DOCK2: variants seen among roughly 807,000 people sequenced by gnomAD.
DOCK2 encodes the protein dedicator of cytokinesis 2.
Under a neutral mutation model 248.9 loss-of-function variants are expected in DOCK2, and 87 were observed. The observed-to-expected ratio is 0.35, with a 90% CI of 0.29 to 0.42. The LOEUF is 0.42. DOCK2 is among the 10% of genes least tolerant of loss of function. The probability of loss-of-function intolerance (pLI) is 1.00; values close to 1 mark genes in which losing one functional copy is unlikely to be tolerated. For synonymous variants in DOCK2, 805 were observed against 821.6 expected (o/e 0.98, Z 0.35); for missense variants, 1,747 against 2,300.2 (o/e 0.76, Z 4.92).
chr5:170,026,820 C>A (rs1053334140), intron 33 of DOCK2, among the ~76,000 whole-genome samples: 1 of 152,306 alleles, frequency 6.6e-6, no homozygotes, highest in African/African-American at 2.4e-5. Flanking sequence ...TGATCACTTA[C>A]CTAATCTGAT....
At chr5:169,839,406 T>C (rs150618717) in intron 26 of DOCK2, among the ~76,000 whole-genome samples, 1 of 152,292 alleles carries the variant, frequency 6.6e-6, no homozygotes, top group Non-Finnish European at 1.5e-5. Context: ...AGAGAAGTGA[T>C]AAGTGAGGTT....
chr5:169,640,052 T>G (rs1018990005), intron 1 of DOCK2, among the ~76,000 whole-genome samples: 2 of 152,258 alleles, frequency 1.3e-5, no homozygotes, highest in Non-Finnish European at 2.9e-5. Context: ...ACACCCTTGC[T>G]GTCTCTTCCT....
intron 26 of DOCK2, among the ~76,000 whole-genome samples, chr5:169,839,763 T>C (rs1398904817): frequency 6.6e-6 from 1 of 152,190 alleles, no homozygotes; most frequent in Non-Finnish European, 1.5e-5. Flanking sequence ...TACCATTATG[T>C]AACCCTAGTT....
rs74925825 is a variant in DOCK2 at position 170,015,751 on chromosome 5, C to T, written c.3233-3209C>T. Among the ~76,000 whole-genome samples the T allele has an allele frequency of 6.4e-3, 980 of 152,128 alleles. 9 individuals are homozygous for T. The highest frequency in any genetic ancestry group is 0.022 in the African/African-American group (921 of 41,484). ...CAGCCTCAGAAGCCCATGGCTTGCC[C>T]AACTTAATTCTCAGCCAAGTTCACA... On this transcript the variant is annotated intron_variant, in intron 32 of 51. Transcript: ENST00000520908.
At chr5:169,870,073 G>A (rs1457695960) in intron 27 of DOCK2, among the ~76,000 whole-genome samples, 1 of 152,224 alleles carries the variant, frequency 6.6e-6, no homozygotes, top group Admixed American at 6.5e-5. Context: ...TGGTCTTCCT[G>A]AGGATGCATG....
rs574082477 is a variant in DOCK2, at chr5:169,747,580, C to A, written c.2376+76C>A. ...TAACAGCATGCTAAGATAATATCTT[C>A]TTTTACTTAAATATGCAAACTTGTA... On this transcript the variant is annotated intron_variant, in intron 23 of 51. Transcript: ENST00000520908. 1.7e-5 allele frequency: 22 copies of A among 1,312,032 alleles called. No homozygotes were observed. The African/African-American group carries it at 2.8e-4, about 17-fold the overall frequency. The allele number at this position is 1,312,032 out of a possible 1,614,324, so 81.3% of individuals were successfully genotyped here.
chr5:169,914,977 T>G (rs910329449), intron 27 of DOCK2, among the ~76,000 whole-genome samples: 1 of 152,250 alleles, frequency 6.6e-6, no homozygotes, highest in Non-Finnish European at 1.5e-5. Context: ...AAAGAGAATC[T>G]GCCTGACCCC....
chr5:169,730,593 G>A (rs965037011), intron 22 of DOCK2, among the ~76,000 whole-genome samples: 4 of 152,098 alleles, frequency 2.6e-5, no homozygotes, highest in Admixed American at 6.5e-5. Flanking sequence ...CACGTGTGTC[G>A]TAACCTCTAC....
At chr5:169,673,530 A>G (rs1393580479) in intron 5 of DOCK2, among the ~76,000 whole-genome samples, 1 of 152,106 alleles carries the variant, frequency 6.6e-6, no homozygotes, top group Non-Finnish European at 1.5e-5. Flanking sequence ...TTTTATAAAA[A>G]AAAATTTAGA....
intron 14 of DOCK2, among the ~76,000 whole-genome samples, chr5:169,705,348 T>C (rs906148934): frequency 6.6e-6 from 1 of 152,158 alleles, no homozygotes; most frequent in Non-Finnish European, 1.5e-5. Flanking sequence ...AAGGCTTAGA[T>C]GCTGGGCCAA....
chr5:169,707,678 G>A (rs1217901713), intron 14 of DOCK2, among the ~76,000 whole-genome samples: 1 of 152,142 alleles, frequency 6.6e-6, no homozygotes, highest in East Asian at 1.9e-4. Flanking sequence ...TTTAAGGCAG[G>A]TGCTCATGTG....
chr5:169,643,061 C>T (rs769929265), intron 1 of DOCK2, among the ~76,000 whole-genome samples: 1 of 152,146 alleles, frequency 6.6e-6, no homozygotes, highest in Non-Finnish European at 1.5e-5. Flanking sequence ...GGAGTCTGGG[C>T]GGAGACACCA....
intron 27 of DOCK2, among the ~76,000 whole-genome samples, chr5:169,926,315 A>G (rs985154740): frequency 3.9e-5 from 6 of 152,234 alleles, no homozygotes; most frequent in African/African-American, 1.4e-4. Context: ...CGCTTTGCAT[A>G]GGATGGCACT....
At chr5:169,653,097 G>T (rs1407339204) in intron 1 of DOCK2, among the ~76,000 whole-genome samples, 2 of 152,242 alleles carry the variant, frequency 1.3e-5, no homozygotes, top group Middle Eastern at 3.4e-3. Context: ...TCTGAAATTT[G>T]GAAATAATAA....
intron 26 of DOCK2, among the ~76,000 whole-genome samples, chr5:169,831,411 T>C (rs1023654675): frequency 6.6e-6 from 1 of 152,226 alleles, no homozygotes; most frequent in African/African-American, 2.4e-5. Context: ...AACAATGCAA[T>C]ATGCTACAAG....
At chr5:169,821,647 T>TACCAG (rs1768450938) in intron 26 of DOCK2, among the ~76,000 whole-genome samples, 2 of 152,150 alleles carry the variant, frequency 1.3e-5, no homozygotes, top group Admixed American at 1.3e-4. Context: ...GAACAACCAG[T>TACCAG]ACCAGCCACT....
intron 27 of DOCK2, among the ~76,000 whole-genome samples, chr5:169,862,361 C>T (rs1048210590): frequency 3.3e-5 from 5 of 152,104 alleles, no homozygotes; most frequent in African/African-American, 9.7e-5. Flanking sequence ...ATGAAATTAG[C>T]GTAAGCAAAG....
intron 47 of DOCK2, among the ~76,000 whole-genome samples, chr5:170,077,149 A>C (rs1191262987): frequency 1.3e-5 from 2 of 152,244 alleles, no homozygotes; most frequent in East Asian, 3.8e-4. Flanking sequence ...CCAAACATGA[A>C]GTTTCCACGT....
At chr5:169,806,829 G>A (rs1767393262) in intron 26 of DOCK2, among the ~76,000 whole-genome samples, 1 of 152,050 alleles carries the variant, frequency 6.6e-6, no homozygotes, top group African/African-American at 2.4e-5. Context: ...CCAATCTTGG[G>A]GTAGGGGAAC....
Sources: allele counts gnomAD v4.1 joint callset (sites outside exome capture counted in the v4.1 genomes callset), GRCh38; gene constraint gnomAD v4.1.1; transcripts MANE v1.5; gene names NCBI Gene and HGNC (gene_info 2026-07-23, HGNC 2026-07-21).